The following NDUFC1 variants were observed in gnomAD, a reference collection of about 807,000 sequenced individuals.
NDUFC1 encodes the protein NADH dehydrogenase [ubiquinone] 1 subunit C1, mitochondrial.
NDUFC1 carries 11 observed loss-of-function variants against 11.6 expected under a neutral mutation model. The observed-to-expected ratio is 0.95, with a 90% CI of 0.60 to 1.58. The LOEUF is 1.58. NDUFC1 is among the 40% of genes most tolerant of loss of function. The pLI, the probability that NDUFC1 is intolerant of heterozygous loss-of-function variation, is 0.00. For missense variants in NDUFC1, 112 were observed against 93.0 expected, an observed-to-expected ratio of 1.20 and a Z score of -0.84; for synonymous variants, 52 against 42.2, an observed-to-expected ratio of 1.23 and a Z score of -0.90.
At chr4:139,300,543 G>T (rs142819604) in intron 1 of NDUFC1, 1 of 152,272 alleles carries the variant, frequency 6.6e-6, no homozygotes, top group African/African-American at 2.4e-5. Context: ...AAAATTTTTA[G>T]ATCAATGGAA....
At position 139,295,976 on chromosome 4, in the gene NDUFC1, A is replaced by G. The variant is rs528448910; in HGVS notation, c.-162-16T>C. The G allele has an allele frequency of 1.7e-6, 1 of 572,916 alleles. No homozygotes were observed. The highest frequency in any genetic ancestry group is 2.3e-5 in the South Asian group (1 of 43,066). 35.5% of individuals were successfully genotyped at this position (572,916 alleles called of 1,614,324 possible). A position where few individuals can be genotyped will look rare whatever the true frequency, so the allele number is the denominator to read the frequency against. On this transcript the variant is annotated splice_polypyrimidine_tract_variant and intron_variant, in intron 2 of 5. Coordinates refer to ENST00000394223, the MANE Select transcript of NDUFC1 (RefSeq NM_001184989.2). ...AGCCTTCTGTCTATACAGTGGAATT[A>G]GGAAGAAAATAATTAAAAGAAAAAA...
chr4:139,302,087 TTC>T, intron 1 of NDUFC1: 1 of 397,240 alleles, frequency 2.5e-6, no homozygotes, highest in Non-Finnish European at 4.5e-6. Context: ...ACCTCCCGGC[TTC>T]TAGACTGCCG....
chr4:139,302,186 G>C (rs1460457947), intron 1 of NDUFC1: 1 of 257,626 alleles, frequency 3.9e-6, no homozygotes, highest in Non-Finnish European at 7.4e-6. Flanking sequence ...GGCCCGGTTG[G>C]TGTGGGAACC....
chr4:139,290,250 G>A (rs1745154828), intron 5 of NDUFC1, among the ~76,000 whole-genome samples, 158 bp from the exon 6 acceptor site: 1 of 150,056 alleles, frequency 6.7e-6, no homozygotes, highest in African/African-American at 2.5e-5. Flanking sequence ...AAAATATTTT[G>A]CCTTAACTAT....
At chr4:139,299,002 C>T (rs1745594121) in intron 1 of NDUFC1, among the ~76,000 whole-genome samples, 1 of 151,702 alleles carries the variant, frequency 6.6e-6, no homozygotes, top group Admixed American at 6.6e-5. Context: ...TGTAGTCTCA[C>T]TCTGTTGTCC....
At chr4:139,298,438 C>CAAAA (rs147060181) in intron 1 of NDUFC1, among the ~76,000 whole-genome samples, 3 of 84,324 alleles carry the variant, frequency 3.6e-5, no homozygotes, top group Admixed American at 3.0e-4. Context: ...AACTCTGTCT[C>CAAAA]AAAAAAAAAA....
chr4:139,293,242 G>T (rs1470083099), intron 4 of NDUFC1, among the ~76,000 whole-genome samples: 1 of 152,152 alleles, frequency 6.6e-6, no homozygotes, highest in African/African-American at 2.4e-5. Context: ...TATTAAATGG[G>T]ATCCAGGCTG....
At chr4:139,298,701 C>G (rs1362365075) in intron 1 of NDUFC1, among the ~76,000 whole-genome samples, 97 of 149,632 alleles carry the variant, frequency 6.5e-4, no homozygotes, top group Non-Finnish European at 1.0e-4. Context: ...GGAACAAGGT[C>G]TCAGCTCTGT....
intron 4 of NDUFC1, 39 bp downstream of exon 4, chr4:139,295,004 C>A: frequency 6.8e-7 from 1 of 1,473,768 alleles, no homozygotes; most frequent in Non-Finnish European, 9.5e-7. Context: ...CCTTACCACG[C>A]TGGTGTAGTC....
chr4:139,298,215 G>T (rs941850828), intron 1 of NDUFC1, among the ~76,000 whole-genome samples: 1 of 152,012 alleles, frequency 6.6e-6, no homozygotes, highest in African/African-American at 2.4e-5. Flanking sequence ...CGAGGCGGGC[G>T]GATCACCTGA....
intron 1 of NDUFC1, chr4:139,301,959 G>A: frequency 2.0e-6 from 2 of 1,007,090 alleles, no homozygotes; most frequent in Admixed American, 2.6e-5. Flanking sequence ...GCTCTCGTCA[G>A]GCCGAATGCA....
At chr4:139,293,963 A>T (rs1305657668) in intron 4 of NDUFC1, among the ~76,000 whole-genome samples, 1 of 95,684 alleles carries the variant, frequency 1.0e-5, no homozygotes, top group Non-Finnish European at 2.1e-5. Flanking sequence ...TTTTTTTGAG[A>T]CAGAGTCTCG....
intron 5 of NDUFC1, 36 bp downstream of exon 5, chr4:139,292,494 G>T: frequency 1.9e-6 from 2 of 1,029,884 alleles, no homozygotes; most frequent in Non-Finnish European, 2.9e-6. Context: ...AAGTTAATTT[G>T]CATAATCTAT....
At chr4:139,292,445 AAAC>A (rs1378683978) in intron 5 of NDUFC1, 82 bp downstream of exon 5, 16 of 585,114 alleles carry the variant, frequency 2.7e-5, no homozygotes, top group Non-Finnish European at 3.9e-5. Flanking sequence ...AATACAAAAC[AAAC>A]AACAAGCTTG....
chr4:139,301,572 G>A (rs1745741979), intron 1 of NDUFC1: 2 of 597,716 alleles, frequency 3.3e-6, no homozygotes, highest in Non-Finnish European at 5.8e-6. Flanking sequence ...GGGGGAGGCG[G>A]CGGCAGCGTT....
Position 139,295,893 on chromosome 4 carries a change from T to C in NDUFC1, c.-95A>G. The stretch of plus-strand genomic sequence containing the variant: ...GGACTCGAGGGCTCTGCAGCAGAGC[T>C]CCGTGGGGGCGTCAACGTGAATTCC... On this transcript the variant is annotated 5_prime_UTR_variant, in exon 3 of 6. Coordinates refer to ENST00000394223, the MANE Select transcript of NDUFC1 (RefSeq NM_001184989.2). 7.9e-7 allele frequency: 1 copy of C among 1,273,558 alleles called. No individual in the cohort carries two copies. Among genetic ancestry groups the C allele is most frequent in the Non-Finnish European group, 1.1e-6 (1 of 926,678 alleles). The allele number at this position is 1,273,558 out of a possible 1,614,324, so 78.9% of individuals were successfully genotyped here.
chr4:139,295,464 G>A (rs911119348), intron 3 of NDUFC1, among the ~76,000 whole-genome samples: 3 of 152,166 alleles, frequency 2.0e-5, no homozygotes, highest in Non-Finnish European at 4.4e-5. Flanking sequence ...GGGACCTAAC[G>A]TACAGAGGTG....
intron 5 of NDUFC1, among the ~76,000 whole-genome samples, chr4:139,292,110 T>C (rs2110757534): frequency 6.6e-6 from 1 of 152,338 alleles, no homozygotes; most frequent in East Asian, 1.9e-4. Context: ...GTGCTGGGAT[T>C]ACAGGCGTGA....
chr4:139,291,338 AGGCCGAGGCGGG>A (rs1745209115), intron 5 of NDUFC1, among the ~76,000 whole-genome samples: 1 of 151,882 alleles, frequency 6.6e-6, no homozygotes. Context: ...GCACTTTGGG[AGGCCGAGGCGGG>A]CAGATCACGA....
Sources: gnomAD v4.1 joint callset for allele counts (sites outside exome capture counted in the v4.1 genomes callset) on GRCh38, gnomAD v4.1.1 for gene constraint, MANE v1.5 for transcripts, NCBI Gene and HGNC (gene_info 2026-07-23, HGNC 2026-07-21) for gene names.